FKBP15: variants seen among roughly 807,000 people sequenced by gnomAD.
FKBP15 encodes FKBP prolyl isomerase family member 15.
In FKBP15, 106 loss-of-function variants were observed where a neutral mutation model predicts 158.1. That is an observed-to-expected ratio of 0.67 (90% CI 0.57 to 0.79). FKBP15 has a LOEUF of 0.79. Among genes scored for constraint, FKBP15 ranks in the 30% least tolerant of loss-of-function variants. The pLI is 0.00. For synonymous variants in FKBP15, 547 were observed against 548.6 expected, an observed-to-expected ratio of 1.00 and a Z score of 0.04; for missense variants, 1,287 against 1,479.1, an observed-to-expected ratio of 0.87 and a Z score of 2.13.
At chr9:113,197,934 G>A (rs976402889) in intron 8 of FKBP15, among the ~76,000 whole-genome samples, 5 of 152,194 alleles carry the variant, frequency 3.3e-5, no homozygotes, top group Non-Finnish European at 7.3e-5. Flanking sequence ...ATAGGATTCT[G>A]GGAAAAGTGG....
intron 7 of FKBP15, 138 bp from the exon 8 acceptor site, chr9:113,199,061 G>A: frequency 1.6e-6 from 1 of 614,330 alleles, no homozygotes; most frequent in South Asian, 2.1e-5. Flanking sequence ...AGTTTCTAAA[G>A]GACCTGAAAT....
intron 5 of FKBP15, 58 bp downstream of exon 5, chr9:113,202,903 G>A (rs970586693): frequency 7.4e-7 from 1 of 1,344,184 alleles, no homozygotes; most frequent in African/African-American, 1.4e-5. Flanking sequence ...AATCAGACCA[G>A]TCTCTCCTGT....
At position 113,170,593 on chromosome 9, in the gene FKBP15, G is replaced by T; in HGVS notation, c.2695C>A (p.Arg899=). 1.9e-6 allele frequency: 3 copies of T among 1,613,732 alleles called. No individual in the cohort carries two copies. The highest frequency in any genetic ancestry group is 1.6e-4 in the Middle Eastern group (1 of 6,062). Reference sequence around the variant, plus strand: ...GATTCCTCCAGCTCAAACTCTCTCCGTAAGGACTGGAACACCTGGTTCATG... The same window carrying T: ...GATTCCTCCAGCTCAAACTCTCTCCTTAAGGACTGGAACACCTGGTTCATG... ...KIMNQVFQSL[R]REFELEESYN... Residue 899 remains arginine, a synonymous_variant, in exon 25 of 28, where the codon CGG becomes AGG. Coordinates refer to ENST00000238256, the MANE Select transcript of FKBP15 (RefSeq NM_015258.2).
At chr9:113,180,400 ATGTGTGTGTG>A (rs61018100) in intron 19 of FKBP15, among the ~76,000 whole-genome samples, 13 of 150,084 alleles carry the variant, frequency 8.7e-5, no homozygotes, top group Admixed American at 4.7e-4. Flanking sequence ...TCAGAAAAAA[ATGTGTGTGTG>A]TGTGTGTGTG....
intron 1 of FKBP15, among the ~76,000 whole-genome samples, chr9:113,216,633 GA>G (rs1587979978): frequency 1.3e-5 from 2 of 152,200 alleles, no homozygotes; most frequent in Admixed American, 6.5e-5. Context: ...TTAACACAGT[GA>G]AAAATGTACA....
intron 19 of FKBP15, among the ~76,000 whole-genome samples, chr9:113,179,791 A>T (rs1297682442): frequency 2.6e-5 from 4 of 152,188 alleles, no homozygotes; most frequent in Admixed American, 2.6e-4. Context: ...TTAAAAAATA[A>T]ATAAATAAAA....
chr9:113,220,070 AT>A (rs1337513149), intron 1 of FKBP15, among the ~76,000 whole-genome samples: 1 of 152,172 alleles, frequency 6.6e-6, no homozygotes, highest in Non-Finnish European at 1.5e-5. Flanking sequence ...TTGTTTATGT[AT>A]TGTCTATGAC....
At position 113,188,349 on chromosome 9, in the gene FKBP15, A is replaced by AC. The variant is rs753533751; in HGVS notation, c.1276+39dup. 1.7e-4 allele frequency: 243 copies of AC among 1,456,782 alleles called. 1 individual carries two copies. The highest frequency in any genetic ancestry group is 4.0e-5 in the Non-Finnish European group (42 of 1,037,994). The allele number at this position is 1,456,782 out of a possible 1,614,324, so 90.2% of individuals were successfully genotyped here. A position where few individuals can be genotyped will look rare whatever the true frequency, so the allele number is the denominator to read the frequency against. On this transcript the variant is annotated intron_variant, in intron 13 of 27. Transcript: ENST00000238256. ...AACAGTGACGATAATTTTCATGCTG[A>AC]CCCAGTTCAAGGCCACAGAGCCTCA...
At position 113,169,331 on chromosome 9, in the gene FKBP15, A is replaced by C. The variant is rs543080319; in HGVS notation, c.3378T>G (p.Asp1126Glu). 93 of 1,613,996 alleles carry C rather than the reference A, an allele frequency of 5.8e-5. No individual in the cohort carries two copies. In the South Asian group the frequency reaches 6.6e-4, roughly 11 times the overall value. Residue 1126 changes from aspartate (D) to glutamate (E), a missense_variant, in exon 26 of 28, where the codon GAT becomes GAG. By Grantham distance (45) the Asp-to-Glu change is conservative. Coordinates refer to ENST00000238256, the MANE Select transcript of FKBP15 (RefSeq NM_015258.2). Reference sequence around the variant, plus strand: ...GGGGACCGGTGGAGCTAGTGACATCATCTTTCTTGAGCTGTGGAGGCTGAG... The same window carrying C: ...GGGGACCGGTGGAGCTAGTGACATCCTCTTTCTTGAGCTGTGGAGGCTGAG... ...GEPQPPQLKK[D>E]DVTSSTGPHK...
Position 113,203,835 on chromosome 9 carries a change from T to C in FKBP15, c.325-800A>G, listed in dbSNP as rs182962713. On this transcript the variant is annotated intron_variant, in intron 4 of 27. Coordinates refer to ENST00000238256, the MANE Select transcript of FKBP15 (RefSeq NM_015258.2). The stretch of plus-strand genomic sequence containing the variant: ...AGCCACCGCACCCAGACAATTTTGC[T>C]ATTCTTAAATTTGTATAAATAGGAT... 2.3e-3 allele frequency among the ~76,000 whole-genome samples: 343 copies of C among 152,282 alleles called. 2 individuals are homozygous for C. Among genetic ancestry groups the C allele is most frequent in the Non-Finnish European group, 4.0e-4 (27 of 68,004 alleles).
At chr9:113,188,327 A>G (rs1830517667) in intron 13 of FKBP15, 62 bp downstream of exon 13, 2 of 1,237,462 alleles carry the variant, frequency 1.6e-6, no homozygotes, top group Non-Finnish European at 2.4e-6. Flanking sequence ...TTTAAGGAAC[A>G]GTGACGATAA....
At position 113,186,323 on chromosome 9, in the gene FKBP15, G is replaced by A. The variant is rs774762546; in HGVS notation, c.1424C>T (p.Ser475Phe). 6 of 1,569,010 alleles carry A rather than the reference G, an allele frequency of 3.8e-6. No homozygotes were observed. In the South Asian group the frequency reaches 7.1e-5, roughly 18 times the overall value. ...GGGCTGCAGCTGGGAGGTGACGGCAGATGCCTGGGGATAAGCGTAGGCTTG... is the reference window on the plus strand; with the variant it reads ...GGGCTGCAGCTGGGAGGTGACGGCAAATGCCTGGGGATAAGCGTAGGCTTG... ...GMQAYAYPQASAVTSQLQPVR... is the reference protein window; with the variant it reads ...GMQAYAYPQAFAVTSQLQPVR... Residue 475 changes from serine to phenylalanine, a missense_variant, in exon 15 of 28, where the codon TCT (serine) becomes TTT (phenylalanine). By Grantham distance (155) the Ser-to-Phe change is radical. Coordinates refer to ENST00000238256, the MANE Select transcript of FKBP15 (RefSeq NM_015258.2).
intron 23 of FKBP15, 121 bp from the exon 24 acceptor site, chr9:113,171,827 GAC>G (rs1052704869): frequency 3.8e-5 from 31 of 817,032 alleles, no homozygotes; most frequent in Non-Finnish European, 4.5e-5. Context: ...ATAATAAAAA[GAC>G]AATTTTATTT....
chr9:113,206,881 CCAGCAGTTTATAATTTAAAGCTCATA>C, intron 3 of FKBP15: 1 of 428,396 alleles, frequency 2.3e-6, no homozygotes, highest in Non-Finnish European at 4.2e-6. Flanking sequence ...CGCACCCGGC[CCAGCAGTTTATAATTTAAAGCTCATA>C]TACTATTCCC....
chr9:113,211,661 C>T (rs1831009074), intron 1 of FKBP15, 69 bp from the exon 2 acceptor site: 6 of 1,157,544 alleles, frequency 5.2e-6, no homozygotes, highest in Non-Finnish European at 7.5e-6. Context: ...ATAAAAGCTG[C>T]TCATCTCCAA....
At chr9:113,199,781 T>C (rs947106884) in intron 7 of FKBP15, 33 bp downstream of exon 7, 1 of 1,598,524 alleles carries the variant, frequency 6.3e-7, no homozygotes, top group African/African-American at 1.3e-5. Flanking sequence ...CTATATAAGT[T>C]TACAAAAGAA....
Position 113,184,302 on chromosome 9 carries a change from C to T in FKBP15, c.1706G>A (p.Arg569Gln), listed in dbSNP as rs532818858. 4.9e-5 allele frequency: 78 copies of T among 1,595,074 alleles called. No homozygotes were observed. Among genetic ancestry groups the T allele is most frequent in the East Asian group, 1.1e-4 (5 of 44,504 alleles). ...ETSMIMSNIQ[R>Q]IIQENERLKQ... The stretch of plus-strand genomic sequence containing the variant: ...CTTAATCACCCTCACCTGAATGATT[C>T]GCTGGATGTTGCTCATAATCATGCT... Residue 569 changes from arginine (R) to glutamine (Q), a missense_variant, in exon 17 of 28, where the codon CGA becomes CAA. Physicochemically the swap from Arg to Gln is conservative, Grantham distance 43 (BLOSUM62 1). Transcript: ENST00000238256. The surrounding 1 kb of genome is among the most constrained non-coding windows in gnomAD (Gnocchi z 4.5).
Position 113,188,477 on chromosome 9 carries a change from C to G in FKBP15, c.1188G>C (p.Leu396=). The change falls in exon 13 of 28, where the codon CTG becomes CTC. Residue 396 remains leucine, a synonymous_variant. Coordinates refer to ENST00000238256, the MANE Select transcript of FKBP15 (RefSeq NM_015258.2). ...NDSEIEDVNT[L]QGGGQPVVTP... ...TCACCACAGGCTGCCCACCTCCTTGCAGAGTGTTCACATCCTGAAACAGGA... is the reference window on the plus strand; with the variant it reads ...TCACCACAGGCTGCCCACCTCCTTGGAGAGTGTTCACATCCTGAAACAGGA... The G allele has an allele frequency of 1.2e-6, 2 of 1,613,848 alleles. No homozygotes were observed. Among genetic ancestry groups the G allele is most frequent in the Non-Finnish European group, 1.7e-6 (2 of 1,179,804 alleles).
At chr9:113,171,301 C>T (rs1437899044) in intron 24 of FKBP15, among the ~76,000 whole-genome samples, 1 of 152,170 alleles carries the variant, frequency 6.6e-6, no homozygotes, top group Non-Finnish European at 1.5e-5. Context: ...TGGCGCGTGC[C>T]TGTAGTCCCA....
Sources: allele counts gnomAD v4.1 joint callset (sites outside exome capture counted in the v4.1 genomes callset), GRCh38; gene constraint gnomAD v4.1.1; non-coding constraint Gnocchi (gnomAD v3.1); transcripts MANE v1.5; gene names NCBI Gene and HGNC (gene_info 2026-07-23, HGNC 2026-07-21).